HDHD2: variants seen among roughly 807,000 people sequenced by gnomAD.
The protein encoded by HDHD2 is haloacid dehalogenase like hydrolase domain containing 2.
HDHD2 carries 26 observed loss-of-function variants against 24.8 expected under a neutral mutation model. The observed-to-expected ratio is 1.05, with a 90% CI of 0.77 to 1.45. The LOEUF is 1.45. Among genes scored for constraint, HDHD2 ranks in the 40% most tolerant of loss-of-function variants. The pLI is 0.00. For missense variants in HDHD2, 299 were observed against 313.4 expected, an observed-to-expected ratio of 0.95 and a Z score of 0.35; for synonymous variants, 128 against 114.9, an observed-to-expected ratio of 1.11 and a Z score of -0.73.
At chr18:47,140,036 G>A (rs2063805602) in intron 1 of HDHD2, among the ~76,000 whole-genome samples, 1 of 152,124 alleles carries the variant, frequency 6.6e-6, no homozygotes, top group Non-Finnish European at 1.5e-5. Flanking sequence ...ATTAATTTGT[G>A]ATAATAATTT....
chr18:47,131,046 A>G (rs2063709050), intron 3 of HDHD2, among the ~76,000 whole-genome samples: 1 of 152,048 alleles, frequency 6.6e-6, no homozygotes, highest in Non-Finnish European at 1.5e-5. Context: ...GTGCGATCTC[A>G]GCTCACCACA....
chr18:47,109,943 T>A, intron 6 of HDHD2: 1 of 982,058 alleles, frequency 1.0e-6, no homozygotes, highest in Non-Finnish European at 1.2e-6. Flanking sequence ...CCTATAAATA[T>A]CTTTTTAAAG....
chr18:47,129,476 GA>G (rs2063691220), intron 4 of HDHD2, among the ~76,000 whole-genome samples: 1 of 151,986 alleles, frequency 6.6e-6, no homozygotes, highest in Admixed American at 6.6e-5. Context: ...GCTCAGATTA[GA>G]AATCTCAATG....
chr18:47,110,987 T>C, intron 6 of HDHD2: 7 of 985,190 alleles, frequency 7.1e-6, no homozygotes, highest in Non-Finnish European at 8.4e-6. Context: ...TTAAAATATT[T>C]ACGGTTATTT....
Position 47,115,157 on chromosome 18 carries a change from G to T in HDHD2, c.587C>A (p.Pro196His). Residue 196 changes from proline to histidine, a missense_variant, in exon 5 of 7, where the codon CCT becomes CAT. By Grantham distance (77) the Pro-to-His change is moderately conservative (BLOSUM62 -2). Coordinates refer to ENST00000300605, the MANE Select transcript of HDHD2 (RefSeq NM_032124.5). ...ATCTCCTATCATGACAGCCTCCTCA[G>T]GTTCACAGCCAGTGCCCCGCAATGC... ...LEALRGTGCE[P>H]EEAVMIGDDC... The T allele has an allele frequency of 6.2e-7, 1 of 1,613,568 alleles. No homozygotes were observed. The highest frequency in any genetic ancestry group is 8.5e-7 in the Non-Finnish European group (1 of 1,179,740).
chr18:47,139,396 C>T lies in HDHD2; in HGVS notation c.-10-2947G>A, dbSNP rs369798627. 5.5e-5 allele frequency among the ~76,000 whole-genome samples: 7 copies of T among 127,980 alleles called. No homozygotes were observed. In the East Asian group the frequency reaches 7.7e-4, roughly 14 times the overall value. 84.0% of individuals were successfully genotyped at this position (127,980 alleles called of 152,430 possible). On this transcript the variant is annotated intron_variant, in intron 1 of 6. Transcript: ENST00000300605. The stretch of plus-strand genomic sequence containing the variant: ...AGGAGAATGGTGTGAACCTGGGAGG[C>T]GGAGCTTGCAGTGAGCCAAGATCGT...
At chr18:47,119,911 A>G (rs2063589695) in intron 4 of HDHD2, among the ~76,000 whole-genome samples, 1 of 152,238 alleles carries the variant, frequency 6.6e-6, no homozygotes, top group Non-Finnish European at 1.5e-5. Context: ...ATCTCCTGGT[A>G]CATCTCCAGC....
At chr18:47,130,107 G>C (rs1009544611) in intron 4 of HDHD2, 137 bp downstream of exon 4, 9 of 537,230 alleles carry the variant, frequency 1.7e-5, no homozygotes, top group Admixed American at 3.6e-5. Context: ...ATTTGATGCT[G>C]ATCTTGAAGA....
intron 1 of HDHD2, among the ~76,000 whole-genome samples, chr18:47,139,003 G>A: frequency 6.6e-6 from 1 of 152,174 alleles, no homozygotes; most frequent in East Asian, 1.9e-4. Flanking sequence ...CTTTTGGGGA[G>A]CTGATCACAT....
At chr18:47,142,565 T>A (rs2063829576) in intron 1 of HDHD2, among the ~76,000 whole-genome samples, 1 of 152,096 alleles carries the variant, frequency 6.6e-6, no homozygotes, top group Non-Finnish European at 1.5e-5. Flanking sequence ...TACGTTCTCA[T>A]AAAGAAAAAA....
intron 4 of HDHD2, among the ~76,000 whole-genome samples, chr18:47,125,895 C>G (rs1331117374): frequency 6.6e-6 from 1 of 152,174 alleles, no homozygotes; most frequent in Non-Finnish European, 1.5e-5. Flanking sequence ...TTAGAAAAAT[C>G]AGTAACAGAA....
At chr18:47,111,716 T>C in intron 6 of HDHD2, 1 of 985,380 alleles carries the variant, frequency 1.0e-6, no homozygotes, top group South Asian at 4.7e-5. Context: ...GCAGACAGTG[T>C]TTTCACTCTT....
chr18:47,127,710 CAAA>C (rs1235418525), intron 4 of HDHD2, among the ~76,000 whole-genome samples: 5 of 62,486 alleles, frequency 8.0e-5, no homozygotes, highest in Non-Finnish European at 7.1e-5. Context: ...GACTTGGTCT[CAAA>C]AAAAAAAAAA....
At chr18:47,147,087 T>C (rs1173398431) in intron 1 of HDHD2, among the ~76,000 whole-genome samples, 1 of 152,196 alleles carries the variant, frequency 6.6e-6, no homozygotes, top group Non-Finnish European at 1.5e-5. Context: ...TTAATAGTTA[T>C]AAAAAACTAA....
At chr18:47,134,434 T>G in intron 3 of HDHD2, 62 bp downstream of exon 3, 1 of 1,173,650 alleles carries the variant, frequency 8.5e-7, no homozygotes, top group Non-Finnish European at 1.2e-6. Context: ...ACATCCAGTT[T>G]TAAAAATGAT....
At chr18:47,145,285 T>C (rs554298322) in intron 1 of HDHD2, among the ~76,000 whole-genome samples, 2 of 152,196 alleles carry the variant, frequency 1.3e-5, no homozygotes, top group African/African-American at 4.8e-5. Flanking sequence ...TTTACACCAG[T>C]ACAAATGGCC....
intron 3 of HDHD2, among the ~76,000 whole-genome samples, chr18:47,131,511 G>A (rs1407758473): frequency 6.6e-6 from 1 of 152,154 alleles, no homozygotes; most frequent in African/African-American, 2.4e-5. Flanking sequence ...AGTGGGAATT[G>A]ACAGTAGATA....
intron 4 of HDHD2, among the ~76,000 whole-genome samples, chr18:47,125,572 A>G (rs1026928246): frequency 6.6e-6 from 1 of 152,204 alleles, no homozygotes; most frequent in African/African-American, 2.4e-5. Flanking sequence ...AACAAAAACA[A>G]AGAAGCAAAA....
Position 47,132,399 on chromosome 18 carries a change from T to C in HDHD2, c.311-2071A>G, listed in dbSNP as rs1247613525. On this transcript the variant is annotated intron_variant, in intron 3 of 6. Transcript: ENST00000300605. ...TTCGTTATTACAAATAAGGTAGTAA[T>C]GAATAACCTTGTTCATGTCATTGTG... is the stretch of plus-strand genomic sequence containing the variant. Among the ~76,000 whole-genome samples, 3 of 152,226 alleles carry C rather than the reference T, an allele frequency of 2.0e-5. No homozygotes were observed. In the East Asian group the frequency reaches 5.8e-4, roughly 29 times the overall value.
Sources: gnomAD v4.1 joint callset for allele counts (sites outside exome capture counted in the v4.1 genomes callset) on GRCh38, gnomAD v4.1.1 for gene constraint, MANE v1.5 for transcripts, NCBI Gene and HGNC (gene_info 2026-07-23, HGNC 2026-07-21) for gene names.